Variants in OLFM3 observed in about 807,000 individuals in gnomAD.
OLFM3 encodes the protein olfactomedin 3, also known as noelin-3.
Under a neutral mutation model 48.6 loss-of-function variants are expected in OLFM3, and 20 were observed. The observed-to-expected ratio is 0.41, with a 90% CI of 0.29 to 0.60. The LOEUF (loss-of-function observed/expected upper bound fraction) is 0.60, where lower values mean the gene tolerates loss of function less well. Among genes scored for constraint, OLFM3 ranks in the 20% least tolerant of loss-of-function variants. The pLI, the probability that OLFM3 is intolerant of heterozygous loss-of-function variation, is 0.28. For synonymous variants in OLFM3, 222 were observed against 198.1 expected (o/e 1.12, Z -1.01); for missense variants, 437 against 544.3 (o/e 0.80, Z 1.96).
chr1:101,869,406 A>G (rs1436419821), intron 1 of OLFM3, among the ~76,000 whole-genome samples: 1 of 152,090 alleles, frequency 6.6e-6, no homozygotes, highest in African/African-American at 2.4e-5. Flanking sequence ...TTTTGGAATG[A>G]GAGTATTTAC....
At chr1:101,933,145 T>C (rs1327582340) in intron 1 of OLFM3, among the ~76,000 whole-genome samples, 1 of 127,604 alleles carries the variant, frequency 7.8e-6, no homozygotes, top group East Asian at 2.3e-4. Flanking sequence ...GAGCTTGCAG[T>C]GAGCTGAGAT....
intron 1 of OLFM3, among the ~76,000 whole-genome samples, chr1:101,871,401 C>T (rs1215005124): frequency 6.6e-6 from 1 of 152,010 alleles, no homozygotes; most frequent in Non-Finnish European, 1.5e-5. Flanking sequence ...TTACTGTAAA[C>T]AAAATTATAA....
At chr1:101,844,544 T>TA in intron 1 of OLFM3, among the ~76,000 whole-genome samples, 1 of 152,272 alleles carries the variant, frequency 6.6e-6, no homozygotes, top group South Asian at 2.1e-4. Flanking sequence ...ATTGGTGGCT[T>TA]AAATATTTCC....
chr1:101,826,129 AACACACACACACACACACAC>A (rs66617960), intron 3 of OLFM3, among the ~76,000 whole-genome samples: 6 of 132,986 alleles, frequency 4.5e-5, no homozygotes, highest in South Asian at 2.6e-4. Context: ...ACTTTCGTCA[AACACACACACACACACACAC>A]ACACACACAC....
At chr1:101,872,341 T>C (rs950375449) in intron 1 of OLFM3, among the ~76,000 whole-genome samples, 1 of 152,000 alleles carries the variant, frequency 6.6e-6, no homozygotes, top group Admixed American at 6.6e-5. Context: ...TAGGTGGCTA[T>C]GGCAAGAGTT....
chr1:101,988,977 A>T (rs1283338548), intron 1 of OLFM3, among the ~76,000 whole-genome samples: 1 of 152,128 alleles, frequency 6.6e-6, no homozygotes, highest in Non-Finnish European at 1.5e-5. Context: ...CATCAGACAC[A>T]GTACCTGTAG....
intron 1 of OLFM3, among the ~76,000 whole-genome samples, chr1:101,844,712 C>T (rs749488627): frequency 5.9e-5 from 9 of 152,076 alleles, no homozygotes; most frequent in Non-Finnish European, 8.8e-5. Context: ...CCAGTAAATG[C>T]CTCTCCCAAT....
chr1:101,887,304 T>C (rs972914426), intron 1 of OLFM3, among the ~76,000 whole-genome samples: 2 of 151,900 alleles, frequency 1.3e-5, no homozygotes. Flanking sequence ...AATAATTGTA[T>C]ACCTATGACA....
At chr1:101,822,770 C>A (rs1330241690) in intron 4 of OLFM3, among the ~76,000 whole-genome samples, 2 of 152,064 alleles carry the variant, frequency 1.3e-5, no homozygotes, top group Non-Finnish European at 2.9e-5. Flanking sequence ...AAAGATATTT[C>A]TTAATATAAA....
chr1:101,875,201 C>A (rs1313314333), intron 1 of OLFM3, among the ~76,000 whole-genome samples: 2 of 151,796 alleles, frequency 1.3e-5, no homozygotes, highest in African/African-American at 4.8e-5. Flanking sequence ...TGGCAGTGAG[C>A]AATCTGAAAA....
At chr1:101,848,526 A>G (rs1183596355) in intron 1 of OLFM3, among the ~76,000 whole-genome samples, 1 of 151,402 alleles carries the variant, frequency 6.6e-6, no homozygotes, top group Non-Finnish European at 1.5e-5. Flanking sequence ...TTTTCAAAAT[A>G]TATCCAAATG....
intron 1 of OLFM3, chr1:101,893,628 G>A: frequency 5.1e-6 from 1 of 197,916 alleles, no homozygotes; most frequent in South Asian, 1.0e-4. Context: ...TATACAGCTG[G>A]TTGTAGTATT....
intron 1 of OLFM3, among the ~76,000 whole-genome samples, chr1:101,906,344 T>A (rs1279901858): frequency 1.3e-5 from 2 of 152,134 alleles, no homozygotes; most frequent in East Asian, 3.8e-4. Flanking sequence ...AAAAATGGTA[T>A]GTCTCAATAT....
Position 101,814,671 on chromosome 1 carries a change from A to T in OLFM3, c.593-8489T>A, listed in dbSNP as rs74321221. 5.8e-3 allele frequency among the ~76,000 whole-genome samples: 881 copies of T among 152,324 alleles called. 5 individuals are homozygous for T. Among genetic ancestry groups the T allele is most frequent in the African/African-American group, 0.016 (682 of 41,576 alleles). On this transcript the variant is annotated intron_variant, in intron 4 of 5. Coordinates refer to ENST00000370103, the MANE Select transcript of OLFM3 (RefSeq NM_058170.4). ...AAGTGGTTGGGGACATGGGTTAAAG[A>T]GTCGGCCTGGATTTGAATCCTGATT...
At chr1:101,979,562 A>T (rs1310644675) in intron 1 of OLFM3, among the ~76,000 whole-genome samples, 3 of 152,140 alleles carry the variant, frequency 2.0e-5, no homozygotes, top group Non-Finnish European at 4.4e-5. Flanking sequence ...TTTGCCTTCC[A>T]CCATGACTGT....
chr1:101,851,831 T>C (rs1656230282), intron 1 of OLFM3, among the ~76,000 whole-genome samples: 1 of 152,160 alleles, frequency 6.6e-6, no homozygotes. Context: ...CTCTGTGCAA[T>C]AAATCAGTTG....
chr1:101,950,045 A>G (rs12134628), intron 1 of OLFM3, among the ~76,000 whole-genome samples: 76,727 of 147,772 alleles, frequency 0.52, 20,481 homozygotes, highest in Middle Eastern at 0.62. Context: ...AAAAAAAAAA[A>G]AAAGAAAAAG....
At chr1:101,871,750 T>C (rs6698229) in intron 1 of OLFM3, among the ~76,000 whole-genome samples, 89,608 of 151,794 alleles carry the variant, frequency 0.59, 27,036 homozygotes, top group African/African-American at 0.69. Flanking sequence ...ATTTATAATA[T>C]TATTAAATAC....
rs149210123 is a variant in OLFM3, at chr1:101,996,875, A to G, written c.-59T>C. On this transcript the variant is annotated 5_prime_UTR_variant, in exon 1 of 6. Transcript: ENST00000370103. ...TTTATGTAGGCTCTCCACTCACTGC[A>G]GAGACCTTTCCCTCGTCAGTTGCAC... 6.5e-4 allele frequency: 1,015 copies of G among 1,558,850 alleles called. 14 individuals carry two copies. The East Asian group carries it at 0.016, about 24-fold the overall frequency.
Sources: gnomAD v4.1 joint callset for allele counts (sites outside exome capture counted in the v4.1 genomes callset) on GRCh38, gnomAD v4.1.1 for gene constraint, MANE v1.5 for transcripts, NCBI Gene and HGNC (gene_info 2026-07-23, HGNC 2026-07-21) for gene names.